Variants in PDE7B observed in about 807,000 individuals in gnomAD.
PDE7B encodes the protein phosphodiesterase 7B.
In PDE7B, 29 loss-of-function variants were observed where a neutral mutation model predicts 56.2. The observed-to-expected ratio is 0.52, with a 90% CI of 0.38 to 0.70. The LOEUF is 0.70. Ranked by LOEUF, PDE7B falls within the 30% of genes least tolerant of loss-of-function variation. The pLI, the probability that PDE7B is intolerant of heterozygous loss-of-function variation, is 0.00. For synonymous variants in PDE7B, 197 were observed against 196.9 expected, an observed-to-expected ratio of 1.00 and a Z score of 0.00; for missense variants, 490 against 565.0, an observed-to-expected ratio of 0.87 and a Z score of 1.35.
chr6:135,888,334 C>T (rs1451419255), intron 1 of PDE7B, among the ~76,000 whole-genome samples: 1 of 152,098 alleles, frequency 6.6e-6, no homozygotes, highest in Non-Finnish European at 1.5e-5. Context: ...ATCTAGGTAC[C>T]TAACCATTAT....
chr6:136,122,518 A>C (rs1166419286), intron 3 of PDE7B, among the ~76,000 whole-genome samples: 2 of 152,166 alleles, frequency 1.3e-5, no homozygotes, highest in African/African-American at 4.8e-5. Context: ...GTGCTTTTAC[A>C]ATATGCTTTA....
rs541048717 is a variant in PDE7B at position 136,035,909 on chromosome 6, C to A, written c.83-72822C>A. Among the ~76,000 whole-genome samples, 15 of 152,184 alleles carry A rather than the reference C, an allele frequency of 9.9e-5. 1 individual carries two copies. The highest frequency in any genetic ancestry group is 3.4e-4 in the African/African-American group (14 of 41,502). On this transcript the variant is annotated intron_variant, in intron 2 of 12. Coordinates refer to ENST00000308191, the MANE Select transcript of PDE7B (RefSeq NM_018945.4). Reference sequence around the variant, plus strand: ...ATATATGATATCACATATTTGTTTTCTTTGTTCTTAACCCCTTTGTTCCAA... The same window carrying A: ...ATATATGATATCACATATTTGTTTTATTTGTTCTTAACCCCTTTGTTCCAA...
intron 1 of PDE7B, among the ~76,000 whole-genome samples, chr6:135,866,598 A>G (rs1174061469): frequency 6.6e-6 from 1 of 152,218 alleles, no homozygotes; most frequent in East Asian, 1.9e-4. Context: ...TATTTGGCAT[A>G]CTACACTATT....
chr6:136,139,491 G>T (rs1583903020), intron 3 of PDE7B, among the ~76,000 whole-genome samples: 1 of 152,168 alleles, frequency 6.6e-6, no homozygotes, highest in Admixed American at 6.5e-5. Flanking sequence ...ACCCGGTAAT[G>T]GGATGGCTGG....
intron 2 of PDE7B, among the ~76,000 whole-genome samples, chr6:136,105,927 A>G (rs925512437): frequency 3.3e-5 from 5 of 152,250 alleles, no homozygotes; most frequent in Non-Finnish European, 7.3e-5. Flanking sequence ...CATCAATATT[A>G]CACAGTGATT....
At chr6:135,977,200 A>T (rs77916707) in intron 2 of PDE7B, among the ~76,000 whole-genome samples, 4,636 of 152,208 alleles carry the variant, frequency 0.03, 208 homozygotes, top group African/African-American at 0.099. Context: ...GGCCAACCAT[A>T]GGAGTAGATG....
At chr6:136,147,707 T>G (rs1244159136) in intron 4 of PDE7B, among the ~76,000 whole-genome samples, 1 of 152,212 alleles carries the variant, frequency 6.6e-6, no homozygotes, top group African/African-American at 2.4e-5. Flanking sequence ...AAGTAAACCA[T>G]GTTTATGTGC....
At chr6:135,966,707 G>T (rs957608362) in intron 2 of PDE7B, among the ~76,000 whole-genome samples, 1 of 152,132 alleles carries the variant, frequency 6.6e-6, no homozygotes, top group Admixed American at 6.5e-5. Context: ...CAGTCAGAAA[G>T]TGAGAATACC....
intron 2 of PDE7B, among the ~76,000 whole-genome samples, chr6:136,078,798 T>C (rs1056489196): frequency 2.6e-5 from 4 of 152,184 alleles, no homozygotes; most frequent in Non-Finnish European, 5.9e-5. Context: ...ATATGCACTA[T>C]ACACTCATAA....
intron 2 of PDE7B, among the ~76,000 whole-genome samples, chr6:136,003,971 G>A (rs1316978646): frequency 5.3e-5 from 8 of 151,912 alleles, no homozygotes; most frequent in African/African-American, 1.7e-4. Flanking sequence ...CTGGCAAACC[G>A]AATCCAGCAG....
chr6:136,147,507 G>A lies in PDE7B; in HGVS notation c.318+5G>A, dbSNP rs1349672944. 1 of 1,613,116 alleles carries A rather than the reference G, an allele frequency of 6.2e-7. No individual in the cohort carries two copies. The highest frequency in any genetic ancestry group is 1.3e-5 in the African/African-American group (1 of 74,902). On this transcript the variant is annotated splice_donor_5th_base_variant and intron_variant, in intron 4 of 12. Coordinates refer to ENST00000308191, the MANE Select transcript of PDE7B (RefSeq NM_018945.4). Reference sequence around the variant, plus strand: ...GACTACCTTGGACAAGCAAGGGTAAGCTGACTGCCCCATCTCCTCACAGCA... The same window carrying A: ...GACTACCTTGGACAAGCAAGGGTAAACTGACTGCCCCATCTCCTCACAGCA...
chr6:136,116,430 A>G (rs1421348223), intron 3 of PDE7B, among the ~76,000 whole-genome samples: 2 of 152,244 alleles, frequency 1.3e-5, no homozygotes, highest in Non-Finnish European at 2.9e-5. Flanking sequence ...ACTAACATCC[A>G]TATGTAGGAG....
chr6:136,047,888 C>T (rs1299378937), intron 2 of PDE7B, among the ~76,000 whole-genome samples: 2 of 152,152 alleles, frequency 1.3e-5, no homozygotes, highest in African/African-American at 4.8e-5. Flanking sequence ...TCACTGATAT[C>T]AAGGCAGAAT....
chr6:135,867,143 A>T (rs1775276494), intron 1 of PDE7B, among the ~76,000 whole-genome samples: 2 of 152,204 alleles, frequency 1.3e-5, no homozygotes, highest in South Asian at 2.1e-4. Context: ...TGAGCAATTT[A>T]CAAGTAACTT....
intron 1 of PDE7B, among the ~76,000 whole-genome samples, chr6:135,944,738 C>T (rs1774564589): frequency 6.6e-6 from 1 of 152,194 alleles, no homozygotes; most frequent in African/African-American, 2.4e-5. Flanking sequence ...GACCCCAGCT[C>T]CTGTGCCCAT....
chr6:136,158,690 T>C (rs1778653113), intron 8 of PDE7B, among the ~76,000 whole-genome samples: 1 of 152,214 alleles, frequency 6.6e-6, no homozygotes, highest in African/African-American at 2.4e-5. Context: ...ACTCACTCGC[T>C]GAACTGCCAA....
At chr6:135,861,086 T>C (rs1044719219) in intron 1 of PDE7B, among the ~76,000 whole-genome samples, 9 of 151,974 alleles carry the variant, frequency 5.9e-5, no homozygotes, top group East Asian at 1.9e-4. Context: ...TGTTGCATGA[T>C]GTTTAATTAT....
intron 2 of PDE7B, among the ~76,000 whole-genome samples, chr6:136,004,208 T>A (rs2128206407): frequency 6.6e-6 from 1 of 152,296 alleles, no homozygotes; most frequent in Middle Eastern, 3.4e-3. Context: ...TATCTCAAAA[T>A]AGTAAGAGCT....
At chr6:135,897,733 T>G (rs1475546339) in intron 1 of PDE7B, among the ~76,000 whole-genome samples, 1 of 152,194 alleles carries the variant, frequency 6.6e-6, no homozygotes, top group Non-Finnish European at 1.5e-5. Flanking sequence ...TAATGCTTCC[T>G]GACAAATAAA....
Sources: gnomAD v4.1 joint callset for allele counts (sites outside exome capture counted in the v4.1 genomes callset) on GRCh38, gnomAD v4.1.1 for gene constraint, MANE v1.5 for transcripts, NCBI Gene and HGNC (gene_info 2026-07-23, HGNC 2026-07-21) for gene names.